TRIP12: variants seen among roughly 807,000 people sequenced by gnomAD.
The protein encoded by TRIP12 is thyroid hormone receptor interactor 12, also known as E3 ubiquitin-protein ligase TRIP12.
A neutral mutation model predicts 244.2 loss-of-function variants in TRIP12; 25 were observed. The ratio of observed to expected loss-of-function variants is 0.10; its 90% confidence interval spans 0.07 to 0.14. TRIP12 has a LOEUF of 0.14. Ranked by LOEUF, TRIP12 falls within the 10% of genes least tolerant of loss-of-function variation. The pLI, the probability that TRIP12 is intolerant of heterozygous loss-of-function variation, is 1.00. For missense variants in TRIP12, 1,677 were observed against 2,486.4 expected (o/e 0.67, Z 6.92); for synonymous variants, 905 against 873.1 (o/e 1.04, Z -0.64).
intron 9 of TRIP12, 40 bp from the exon 10 acceptor site, chr2:229,815,348 TG>T: frequency 8.2e-7 from 1 of 1,218,450 alleles, no homozygotes; most frequent in Non-Finnish European, 1.2e-6. Flanking sequence ...CTATATTCCT[TG>T]GGAAAATCCT....
intron 1 of TRIP12, among the ~76,000 whole-genome samples, chr2:229,892,925 C>T (rs144048540): frequency 3.7e-4 from 57 of 152,198 alleles, no homozygotes; most frequent in African/African-American, 1.3e-3. Context: ...AAGACTACAG[C>T]TACCACTCAT....
chr2:229,851,259 T>A (rs2058652272), intron 4 of TRIP12, among the ~76,000 whole-genome samples: 1 of 152,104 alleles, frequency 6.6e-6, no homozygotes, highest in Non-Finnish European at 1.5e-5. Flanking sequence ...GCTCAAGGTT[T>A]GTAAACACAC....
At chr2:229,802,955 A>C (rs2044791771) in intron 20 of TRIP12, among the ~76,000 whole-genome samples, 1 of 152,148 alleles carries the variant, frequency 6.6e-6, no homozygotes, top group Non-Finnish European at 1.5e-5. Flanking sequence ...AAAGAGAGCT[A>C]AACATTAACT....
chr2:229,832,129 G>T (rs554002856), intron 6 of TRIP12, among the ~76,000 whole-genome samples: 1 of 151,930 alleles, frequency 6.6e-6, no homozygotes. Flanking sequence ...ACACCATTAA[G>T]TATTTTCTAT....
intron 1 of TRIP12, among the ~76,000 whole-genome samples, chr2:229,886,639 G>A (rs930748868): frequency 6.6e-6 from 1 of 151,964 alleles, no homozygotes; most frequent in Non-Finnish European, 1.5e-5. Context: ...GCTAATTTTT[G>A]TATTTTTAGT....
chr2:229,882,186 A>C (rs775687928), intron 1 of TRIP12, among the ~76,000 whole-genome samples: 3 of 152,238 alleles, frequency 2.0e-5, no homozygotes, highest in Admixed American at 6.5e-5. Context: ...TACTCAATAC[A>C]GTGCCAATCA....
At chr2:229,918,418 AG>A (rs1466681332) in intron 1 of TRIP12, among the ~76,000 whole-genome samples, 1 of 152,194 alleles carries the variant, frequency 6.6e-6, no homozygotes, top group African/African-American at 2.4e-5. Context: ...TCCACTTAAA[AG>A]GGGGGAAAGT....
intron 39 of TRIP12, among the ~76,000 whole-genome samples, chr2:229,769,749 GAA>G (rs1465110405): frequency 6.6e-6 from 1 of 152,172 alleles, no homozygotes; most frequent in Non-Finnish European, 1.5e-5. Context: ...TTGAGCTGGA[GAA>G]AGAAGTGGGA....
intron 37 of TRIP12, among the ~76,000 whole-genome samples, chr2:229,775,756 C>G (rs1324602415): frequency 6.6e-6 from 1 of 151,658 alleles, no homozygotes; most frequent in South Asian, 2.1e-4. Flanking sequence ...CCAGTAGAAT[C>G]TGAGCCAGGA....
intron 1 of TRIP12, among the ~76,000 whole-genome samples, chr2:229,913,367 T>C (rs556620480): frequency 7.9e-5 from 12 of 152,330 alleles, no homozygotes; most frequent in African/African-American, 2.4e-4. Context: ...ATATCAACTA[T>C]ATGAAACATA....
chr2:229,810,260 T>A (rs775854659), intron 15 of TRIP12, among the ~76,000 whole-genome samples: 1 of 152,212 alleles, frequency 6.6e-6, no homozygotes, highest in Non-Finnish European at 1.5e-5. Context: ...CACCATTCTC[T>A]GACATCAACT....
chr2:229,833,553 T>C (rs1048377635), intron 6 of TRIP12, among the ~76,000 whole-genome samples: 2 of 152,090 alleles, frequency 1.3e-5, no homozygotes, highest in African/African-American at 4.8e-5. Flanking sequence ...CCTCTGAATG[T>C]TGGAGTTACA....
upstream of TRIP12, chr2:229,922,613 A>C: frequency 1.2e-6 from 2 of 1,613,890 alleles, no homozygotes; most frequent in Non-Finnish European, 1.7e-6. Flanking sequence ...GTCTCAGGCA[A>C]GTGCGAGCCG....
chr2:229,888,439 C>G (rs1447553444), intron 1 of TRIP12, among the ~76,000 whole-genome samples: 1 of 151,662 alleles, frequency 6.6e-6, no homozygotes, highest in Non-Finnish European at 1.5e-5. Flanking sequence ...ATGCTAAAAT[C>G]TAAGGAAAAC....
chr2:229,794,219 T>C (rs1159842540), intron 26 of TRIP12, among the ~76,000 whole-genome samples: 4 of 152,278 alleles, frequency 2.6e-5, no homozygotes, highest in South Asian at 2.1e-4. Context: ...AAAATGCATA[T>C]GGTTTTTAAT....
chr2:229,802,592 A>G, intron 20 of TRIP12, 133 bp from the exon 21 acceptor site: 2 of 575,950 alleles, frequency 3.5e-6, no homozygotes, highest in Non-Finnish European at 5.6e-6. Context: ...GCAAATAGGT[A>G]AAAGAAATTA....
At chr2:229,779,514 T>C (rs1218793486) in intron 34 of TRIP12, among the ~76,000 whole-genome samples, 2 of 152,196 alleles carry the variant, frequency 1.3e-5, no homozygotes, top group African/African-American at 2.4e-5. Flanking sequence ...GATAACTATT[T>C]TGGTCATCCT....
intron 32 of TRIP12, 70 bp from the exon 33 acceptor site, chr2:229,787,731 C>T: frequency 7.3e-7 from 1 of 1,367,922 alleles, no homozygotes; most frequent in Non-Finnish European, 9.8e-7. Context: ...AAAATCCAAA[C>T]TTATATTAGA....
At chr2:229,863,720 A>G (rs2060858072) in intron 2 of TRIP12, among the ~76,000 whole-genome samples, 1 of 152,202 alleles carries the variant, frequency 6.6e-6, no homozygotes. Flanking sequence ...TCCATAAAAT[A>G]ATGATGTCCA....
Sources: allele counts gnomAD v4.1 joint callset (sites outside exome capture counted in the v4.1 genomes callset), GRCh38; gene constraint gnomAD v4.1.1; transcripts MANE v1.5; gene names NCBI Gene and HGNC (gene_info 2026-07-23, HGNC 2026-07-21).